The following PDHX variants were observed in gnomAD, a reference collection of about 807,000 sequenced individuals.
PDHX encodes the protein pyruvate dehydrogenase protein X component, mitochondrial.
PDHX carries 33 observed loss-of-function variants against 55.3 expected under a neutral mutation model. The ratio of observed to expected loss-of-function variants is 0.60; its 90% CI spans 0.45 to 0.80. The LOEUF is 0.80. Among genes scored for constraint, PDHX ranks in the 30% least tolerant of loss-of-function variants. PDHX has a pLI of 0.00. For synonymous variants in PDHX, 226 were observed against 219.4 expected, an observed-to-expected ratio of 1.03 and a Z score of -0.27; for missense variants, 622 against 619.9, an observed-to-expected ratio of 1.00 and a Z score of -0.04.
intron 8 of PDHX, 108 bp from the exon 9 acceptor site, chr11:34,984,462 C>T (rs1855596579): frequency 3.5e-6 from 3 of 869,152 alleles, no homozygotes; most frequent in Non-Finnish European, 5.5e-6. Flanking sequence ...TTTATTTTCT[C>T]TTATCTAGCT....
At chr11:34,977,646 A>G in intron 7 of PDHX, 1 of 350,012 alleles carries the variant, frequency 2.9e-6, no homozygotes, top group Non-Finnish European at 5.7e-6. Context: ...AACTGTTTAT[A>G]TATAAAGTAC....
chr11:34,918,402 A>C (rs181597644), intron 1 of PDHX, among the ~76,000 whole-genome samples: 1 of 151,548 alleles, frequency 6.6e-6, no homozygotes, highest in African/African-American at 2.4e-5. Flanking sequence ...CTGCCGCTGC[A>C]CTTTAGCCTG....
chr11:34,955,059 T>C (rs1854875386), intron 3 of PDHX, among the ~76,000 whole-genome samples: 1 of 152,192 alleles, frequency 6.6e-6, no homozygotes. Flanking sequence ...CTGCATTTAA[T>C]ATTAAGAAAT....
intron 7 of PDHX, among the ~76,000 whole-genome samples, chr11:34,976,032 T>C (rs1237594909): frequency 6.6e-6 from 1 of 152,222 alleles, no homozygotes; most frequent in Non-Finnish European, 1.5e-5. Flanking sequence ...CAGATCATAC[T>C]TGCTTAGTCA....
At position 34,977,843 on chromosome 11, in the gene PDHX, G is replaced by A. The variant is rs1390675221; in HGVS notation, c.965-281G>A. The A allele has an allele frequency of 9.9e-6, 5 of 503,796 alleles. No individual in the cohort carries two copies. In the Admixed American group the frequency reaches 1.1e-4, roughly 11 times the overall value. The allele number at this position is 503,796 out of a possible 1,614,324, so 31.2% of individuals were successfully genotyped here. A position where few individuals can be genotyped will look rare whatever the true frequency, so the allele number is the denominator to read the frequency against. ...CTTTTTTTCTGATTATGCTTGTAAT[G>A]GGTCCTTCAGGTTCTTGTGTATGAT... On this transcript the variant is annotated intron_variant, in intron 7 of 10. Transcript: ENST00000227868.
At chr11:34,961,554 A>G (rs547196174) in intron 5 of PDHX, among the ~76,000 whole-genome samples, 6 of 152,328 alleles carry the variant, frequency 3.9e-5, no homozygotes, top group Non-Finnish European at 7.4e-5. Flanking sequence ...AGAGAGAGCA[A>G]TGGTTGTTAA....
At chr11:34,931,617 A>G in intron 2 of PDHX, 133 bp downstream of exon 2, 1 of 643,858 alleles carries the variant, frequency 1.6e-6, no homozygotes, top group South Asian at 1.7e-5. Context: ...TTGGTAGTTA[A>G]TGTAAGTTTG....
upstream of PDHX, chr11:34,916,509 C>T (rs1302772366): frequency 1.1e-5 from 15 of 1,346,402 alleles, no homozygotes; most frequent in Admixed American, 2.5e-5. Context: ...TGGTTGGAGG[C>T]GGGGCTGGGT....
chr11:34,924,260 T>C (rs1251102859), intron 1 of PDHX, among the ~76,000 whole-genome samples: 1 of 152,178 alleles, frequency 6.6e-6, no homozygotes, highest in Non-Finnish European at 1.5e-5. Context: ...TCTATTTTTT[T>C]AGATGGAGCC....
intron 7 of PDHX, among the ~76,000 whole-genome samples, chr11:34,975,955 G>A (rs1271082375): frequency 6.6e-6 from 1 of 152,080 alleles, no homozygotes; most frequent in Non-Finnish European, 1.5e-5. Context: ...GGAACTAAAT[G>A]GAAAGCTATT....
chr11:34,920,805 G>A (rs1345869396), intron 1 of PDHX, among the ~76,000 whole-genome samples: 7 of 152,094 alleles, frequency 4.6e-5, no homozygotes, highest in African/African-American at 1.7e-4. Flanking sequence ...AAGAAAAATG[G>A]GAGAAAGCAG....
chr11:34,973,842 C>A (rs1855305593), intron 7 of PDHX, among the ~76,000 whole-genome samples: 1 of 151,768 alleles, frequency 6.6e-6, no homozygotes, highest in African/African-American at 2.4e-5. Context: ...TTTATCTGTA[C>A]TTTTTTTCAT....
chr11:34,984,717 G>C lies in PDHX; in HGVS notation c.1171G>C (p.Asp391His), dbSNP rs1590769543. The change falls in exon 9 of 11, where the codon GAC becomes CAC. Residue 391 changes from aspartate to histidine, a missense_variant. Physicochemically the swap from Asp to His is moderately conservative, Grantham distance 81. Coordinates refer to ENST00000227868, the MANE Select transcript of PDHX (RefSeq NM_003477.3). ...AAAKGIQEIA[D>H]SVKALSKKAR... ...TGCTAAAGGTATCCAGGAAATTGCT[G>C]ACTCTGTAAAGGTATGTCTTAAGAA... is the stretch of plus-strand genomic sequence containing the variant. 2 of 1,613,912 alleles carry C rather than the reference G, an allele frequency of 1.2e-6. No homozygotes were observed. Among genetic ancestry groups the C allele is most frequent in the South Asian group, 1.1e-5 (1 of 91,066 alleles).
chr11:34,962,294 A>G (rs1201375756), intron 5 of PDHX, among the ~76,000 whole-genome samples: 3 of 152,222 alleles, frequency 2.0e-5, no homozygotes, highest in Admixed American at 6.5e-5. Flanking sequence ...TAGAAGAACT[A>G]AAAGGGAGAT....
chr11:34,944,559 C>G (rs1032373734), intron 2 of PDHX, among the ~76,000 whole-genome samples: 1 of 152,126 alleles, frequency 6.6e-6, no homozygotes, highest in Non-Finnish European at 1.5e-5. Flanking sequence ...TGTCTCTGAA[C>G]TATTTAACCT....
chr11:34,923,118 T>C (rs180967260), intron 1 of PDHX, among the ~76,000 whole-genome samples: 1 of 152,138 alleles, frequency 6.6e-6, no homozygotes, highest in African/African-American at 2.4e-5. Flanking sequence ...CTGGCTAACC[T>C]CTTTTCTAAT....
intron 7 of PDHX, among the ~76,000 whole-genome samples, chr11:34,971,238 A>C (rs1366489243): frequency 6.6e-6 from 1 of 152,176 alleles, no homozygotes; most frequent in East Asian, 1.9e-4. Context: ...AGAGACATAC[A>C]GATTTTTTAG....
At chr11:34,922,547 G>C (rs965727207) in intron 1 of PDHX, among the ~76,000 whole-genome samples, 2 of 152,150 alleles carry the variant, frequency 1.3e-5, no homozygotes, top group African/African-American at 4.8e-5. Flanking sequence ...GTGTCAGCAT[G>C]CTGACGTTTT....
chr11:34,965,607 A>C (rs1296670762), intron 5 of PDHX, among the ~76,000 whole-genome samples: 1 of 152,144 alleles, frequency 6.6e-6, no homozygotes, highest in Non-Finnish European at 1.5e-5. Flanking sequence ...GGCCAGATAC[A>C]GTCAAGAGGG....
Sources: allele counts gnomAD v4.1 joint callset (sites outside exome capture counted in the v4.1 genomes callset), GRCh38; gene constraint gnomAD v4.1.1; transcripts MANE v1.5; gene names NCBI Gene and HGNC (gene_info 2026-07-23, HGNC 2026-07-21).